KCNIP4: variants seen among roughly 807,000 people sequenced by gnomAD.
KCNIP4 encodes the protein potassium voltage-gated channel interacting protein 4.
KCNIP4 carries 12 observed loss-of-function variants against 34.0 expected under a neutral mutation model. The ratio of observed to expected loss-of-function variants is 0.35; its 90% CI spans 0.23 to 0.57. The LOEUF (loss-of-function observed/expected upper bound fraction) is 0.57, where lower values mean the gene tolerates loss of function less well. KCNIP4 is among the 20% of genes least tolerant of loss of function. The pLI is 0.83. For synonymous variants in KCNIP4, 124 were observed against 102.2 expected, an observed-to-expected ratio of 1.21 and a Z score of -1.29; for missense variants, 238 against 311.7, an observed-to-expected ratio of 0.76 and a Z score of 1.78.
chr4:21,583,317 A>G (rs73252273), intron 1 of KCNIP4, among the ~76,000 whole-genome samples: 9,904 of 152,018 alleles, frequency 0.065, 475 homozygotes, highest in African/African-American at 0.13. Context: ...TTGTGGATTT[A>G]GGAAGTTATT....
At chr4:21,862,135 G>A (rs1225054411) in intron 1 of KCNIP4, among the ~76,000 whole-genome samples, 1 of 152,124 alleles carries the variant, frequency 6.6e-6, no homozygotes, top group African/African-American at 2.4e-5. Context: ...CATCAGCAAG[G>A]TGGCCTTGCT....
intron 2 of KCNIP4, among the ~76,000 whole-genome samples, chr4:20,875,623 TC>T (rs1389797556): frequency 1.3e-5 from 2 of 152,202 alleles, no homozygotes; most frequent in Admixed American, 6.5e-5. Flanking sequence ...ATGCCTCTGT[TC>T]TTCCACAGAT....
At chr4:21,352,045 C>CTGCTTGAAGCA (rs1718055439) in intron 1 of KCNIP4, among the ~76,000 whole-genome samples, 1 of 152,124 alleles carries the variant, frequency 6.6e-6, no homozygotes, top group Non-Finnish European at 1.5e-5. Context: ...AATTGATAAA[C>CTGCTTGAAGCA]TGCTTGAAGC....
chr4:21,310,723 C>T (rs996649544), intron 1 of KCNIP4, among the ~76,000 whole-genome samples: 4 of 151,982 alleles, frequency 2.6e-5, no homozygotes, highest in African/African-American at 7.3e-5. Context: ...GCTCCGCCTC[C>T]GAGGTTCAAG....
At chr4:21,217,063 T>C (rs1432731417) in intron 1 of KCNIP4, among the ~76,000 whole-genome samples, 1 of 152,222 alleles carries the variant, frequency 6.6e-6, no homozygotes, top group Non-Finnish European at 1.5e-5. Context: ...TTATCTTATC[T>C]ACTTTTCATT....
At chr4:20,732,106 T>A (rs759695011) in intron 7 of KCNIP4, 38 bp from the exon 8 acceptor site, 54 of 1,402,962 alleles carry the variant, frequency 3.8e-5, no homozygotes, top group Non-Finnish European at 5.2e-5. Context: ...TTTAGACTTA[T>A]CCCTTAATAC....
rs71193407 is a variant in KCNIP4 at position 21,792,000 on chromosome 4, C to CAAAAAAAAAAAAAA, written c.61+156557_61+156570dup. Among the ~76,000 whole-genome samples the CAAAAAAAAAAAAAA allele has an allele frequency of 8.4e-5, 5 of 59,752 alleles. 1 individual carries two copies. The highest frequency in any genetic ancestry group is 3.8e-4 in the African/African-American group (5 of 13,116). The allele number at this position is 59,752 out of a possible 152,430, so 39.2% of individuals were successfully genotyped here. Reference sequence around the variant, plus strand: ...CTGGTGACAGAATGAGACTCCGTCTCAAAAAAAAAAAAAAAAAAAAAAAAA... The same window carrying CAAAAAAAAAAAAAA: ...CTGGTGACAGAATGAGACTCCGTCTCAAAAAAAAAAAAAAAAAAAAAAAAAAAAAAAAAAAAAAA... On this transcript the variant is annotated intron_variant, in intron 1 of 8. Transcript: ENST00000382152.
At chr4:21,003,254 C>A (rs1028655645) in intron 1 of KCNIP4, among the ~76,000 whole-genome samples, 1 of 152,158 alleles carries the variant, frequency 6.6e-6, no homozygotes, top group South Asian at 2.1e-4. Flanking sequence ...TCCCTTTCTA[C>A]CAACGTCTAT....
intron 1 of KCNIP4, among the ~76,000 whole-genome samples, chr4:21,140,437 G>A (rs2109206924): frequency 6.6e-6 from 1 of 152,154 alleles, no homozygotes; most frequent in Middle Eastern, 3.4e-3. Context: ...TGTGTTTAGA[G>A]TACTTAATTA....
intron 2 of KCNIP4, among the ~76,000 whole-genome samples, chr4:20,881,514 GA>G (rs1560539135): frequency 1.3e-5 from 2 of 151,946 alleles, no homozygotes; most frequent in Admixed American, 6.6e-5. Flanking sequence ...TTTGATGCTT[GA>G]AAAAAATTGT....
chr4:20,860,374 G>A (rs1050086949), intron 2 of KCNIP4, among the ~76,000 whole-genome samples: 6 of 152,156 alleles, frequency 3.9e-5, no homozygotes, highest in Non-Finnish European at 7.3e-5. Context: ...TTAACCTCAG[G>A]TGATCCATGG....
chr4:21,475,239 T>A (rs1190472595), intron 1 of KCNIP4, among the ~76,000 whole-genome samples: 1 of 152,154 alleles, frequency 6.6e-6, no homozygotes, highest in African/African-American at 2.4e-5. Context: ...GCTTTACCAT[T>A]TTCTAAGTGT....
At chr4:21,615,323 G>A (rs1021553271) in intron 1 of KCNIP4, among the ~76,000 whole-genome samples, 6 of 151,510 alleles carry the variant, frequency 4.0e-5, no homozygotes, top group Non-Finnish European at 7.4e-5. Context: ...GGCGGATCAC[G>A]AGGTCAGAAG....
chr4:20,772,018 C>T (rs1755933974), intron 3 of KCNIP4, among the ~76,000 whole-genome samples: 1 of 152,070 alleles, frequency 6.6e-6, no homozygotes, highest in South Asian at 2.1e-4. Flanking sequence ...GGCACTGAGC[C>T]ATGTGGTGTA....
At chr4:21,785,070 G>C (rs1719811178) in intron 1 of KCNIP4, among the ~76,000 whole-genome samples, 1 of 152,132 alleles carries the variant, frequency 6.6e-6, no homozygotes, top group South Asian at 2.1e-4. Context: ...CAGCAGTAAA[G>C]ATTGGTTACT....
At chr4:20,810,665 C>T (rs1715635962) in intron 3 of KCNIP4, among the ~76,000 whole-genome samples, 1 of 151,990 alleles carries the variant, frequency 6.6e-6, no homozygotes, top group Non-Finnish European at 1.5e-5. Flanking sequence ...TACATGGTCA[C>T]CAAGATGAAC....
intron 1 of KCNIP4, among the ~76,000 whole-genome samples, chr4:21,556,931 A>AAAAAAAACAAAAAAAAAC (rs1739103502): frequency 6.7e-5 from 9 of 134,286 alleles, no homozygotes; most frequent in Non-Finnish European, 1.1e-4. Context: ...AGAAAAAAAA[A>AAAAAAAACAAAAAAAAAC]AAAAAAAAAA....
chr4:21,214,503 A>T (rs1757430013), intron 1 of KCNIP4, among the ~76,000 whole-genome samples: 1 of 152,186 alleles, frequency 6.6e-6, no homozygotes, highest in Non-Finnish European at 1.5e-5. Flanking sequence ...ACTTACTGTT[A>T]AATGATGAAT....
intron 1 of KCNIP4, among the ~76,000 whole-genome samples, chr4:21,581,709 A>G (rs928484818): frequency 1.3e-5 from 2 of 151,936 alleles, no homozygotes. Context: ...ATTATTATTT[A>G]TATTATCACA....
Sources: gnomAD v4.1 joint callset for allele counts (sites outside exome capture counted in the v4.1 genomes callset) on GRCh38, gnomAD v4.1.1 for gene constraint, MANE v1.5 for transcripts, NCBI Gene and HGNC (gene_info 2026-07-23, HGNC 2026-07-21) for gene names.